The following PDCD2 variants were observed in gnomAD, a reference collection of about 807,000 sequenced individuals.
PDCD2 encodes the protein programmed cell death 2, also known as uS5 assembly chaperone PDCD2.
In PDCD2, 38 loss-of-function variants were observed where a neutral mutation model predicts 38.1. The ratio of observed to expected loss-of-function variants is 1.00; its 90% CI spans 0.77 to 1.31. The LOEUF is 1.31. PDCD2 is among the 50% of genes most tolerant of loss of function. The probability of loss-of-function intolerance (pLI) is 0.00; values close to 1 mark genes in which losing one functional copy is unlikely to be tolerated. For synonymous variants in PDCD2, 205 were observed against 168.9 expected (o/e 1.21, Z -1.66); for missense variants, 473 against 435.7 (o/e 1.09, Z -0.76).
chr6:170,577,835 TTA>T (rs1476632995), intron 5 of PDCD2, 118 bp from the exon 6 acceptor site: 19 of 819,154 alleles, frequency 2.3e-5, no homozygotes, highest in Non-Finnish European at 3.6e-5. Context: ...CAAAGCAGGA[TTA>T]TAGACATTAT....
chr6:170,575,453 A>C lies in PDCD2; in HGVS notation c.*2106T>G, dbSNP rs1441050520. On this transcript the variant is annotated 3_prime_UTR_variant, in exon 6 of 6. Coordinates refer to ENST00000541970, the MANE Select transcript of PDCD2 (RefSeq NM_002598.4). The stretch of plus-strand genomic sequence containing the variant: ...ACAGTATCTGAACCAAGCAGATCTT[A>C]AAACTTTGTAGGTGTTGAGAAATGG... The C allele has an allele frequency of 6.6e-6, 1 of 152,174 alleles. No individual in the cohort carries two copies. Among genetic ancestry groups the C allele is most frequent in the Non-Finnish European group, 1.5e-5 (1 of 68,032 alleles). 9.4% of individuals were successfully genotyped at this position (152,174 alleles called of 1,614,324 possible).
At chr6:170,580,494 C>T (rs1424409640) in intron 3 of PDCD2, among the ~76,000 whole-genome samples, 1 of 152,168 alleles carries the variant, frequency 6.6e-6, no homozygotes, top group Non-Finnish European at 1.5e-5. Flanking sequence ...GCGGGCAGAT[C>T]ACCTGAGGTC....
rs1305779691 is a variant in PDCD2, at chr6:170,583,706, A to G, written c.325T>C (p.Tyr109His). The G allele has an allele frequency of 3.1e-6, 5 of 1,613,288 alleles. No homozygotes were observed. The highest frequency in any genetic ancestry group is 3.4e-6 in the Non-Finnish European group (4 of 1,179,416). Residue 109 changes from tyrosine (Y) to histidine (H), a missense_variant, in exon 2 of 6, where the codon TAT becomes CAT. Coordinates refer to ENST00000541970, the MANE Select transcript of PDCD2 (RefSeq NM_002598.4). ...GGAGGATTCTCAGAAGGTGGCTCAT[A>G]TGAGTAAAAATCGTTTTTCCTGGGT... is the stretch of plus-strand genomic sequence containing the variant. ...QLPRKNDFYS[Y>H]EPPSENPPPE...
chr6:170,582,425 AAATTT>A (rs1779639184), intron 3 of PDCD2: 11 of 1,453,012 alleles, frequency 7.6e-6, no homozygotes, highest in Non-Finnish European at 9.0e-6. Flanking sequence ...TCAAATTGTA[AAATTT>A]AATATTATGT....
Position 170,583,439 on chromosome 6 carries a change from C to A in PDCD2, c.526+66G>T, listed in dbSNP as rs1007306813. On this transcript the variant is annotated intron_variant, in intron 2 of 5. Transcript: ENST00000541970. ...TTCCTAATTTTACCTTTAAAGTTGT[C>A]CTGGAAATATCTGGGTTGACAAAGG... 3.3e-6 allele frequency: 5 copies of A among 1,525,868 alleles called. No homozygotes were observed. The African/African-American group carries it at 7.0e-5, about 21-fold the overall frequency. The allele number at this position is 1,525,868 out of a possible 1,614,324, so 94.5% of individuals were successfully genotyped here.
Position 170,583,176 on chromosome 6 carries a change from T to TG in PDCD2, c.538dup (p.His180ProfsTer14). The TG allele has an allele frequency of 6.3e-7, 1 of 1,599,836 alleles. No individual in the cohort carries two copies. The highest frequency in any genetic ancestry group is 8.5e-7 in the Non-Finnish European group (1 of 1,172,084). Reference sequence around the variant, plus strand: ...AAGGAAGTTGTGGTCTGGAATTATATGGTCCAGATGATCTGAAACAAAAAG... The same window carrying TG: ...AAGGAAGTTGTGGTCTGGAATTATATGGGTCCAGATGATCTGAAACAAAAAG... On this transcript the variant is annotated frameshift_variant, in exon 3 of 6. Coordinates refer to ENST00000541970, the MANE Select transcript of PDCD2 (RefSeq NM_002598.4). LOFTEE classifies it high-confidence loss of function.
At chr6:170,578,633 C>A (rs1779510883) in intron 5 of PDCD2, 2 of 702,224 alleles carry the variant, frequency 2.8e-6, no homozygotes, top group African/African-American at 1.8e-5. Flanking sequence ...TCACAGAAGT[C>A]AGTCAATAGA....
intron 3 of PDCD2, among the ~76,000 whole-genome samples, 195 bp from the exon 4 acceptor site, chr6:170,580,300 G>A (rs1479972522): frequency 6.6e-6 from 1 of 152,140 alleles, no homozygotes; most frequent in Non-Finnish European, 1.5e-5. Flanking sequence ...TCTCCTTAAA[G>A]CTTCAAAATA....
At position 170,584,619 on chromosome 6, in the gene PDCD2, G is replaced by A; in HGVS notation, c.-38C>T. 8.5e-7 allele frequency: 1 copy of A among 1,177,628 alleles called. No homozygotes were observed. The highest frequency in any genetic ancestry group is 1.1e-6 in the Non-Finnish European group (1 of 932,212). 72.9% of individuals were successfully genotyped at this position (1,177,628 alleles called of 1,614,324 possible). A position where few individuals can be genotyped will look rare whatever the true frequency, so the allele number is the denominator to read the frequency against. ...CTGGCGTGGGGCGCAGCCCACAGCT[G>A]GGTCGGAAGGCGGAAATCGGGCGCC... On this transcript the variant is annotated 5_prime_UTR_variant, in exon 1 of 6. Transcript: ENST00000541970.
rs756772582 is a variant in PDCD2, at chr6:170,584,362, C to T, written c.220G>A (p.Ala74Thr). The stretch of plus-strand genomic sequence containing the variant: ...AAGAGGAAGATGCAGCGGTGGAAGG[C>T]GTCCGGGCGGCCAGGCAGCGGCGCA... ...VYAPLPGRPD[A>T]FHRCIFLFCC... Residue 74 changes from alanine to threonine, a missense_variant, in exon 1 of 6, where the codon GCC becomes ACC. Physicochemically the swap from Ala to Thr is moderately conservative, Grantham distance 58 (BLOSUM62 0). Coordinates refer to ENST00000541970, the MANE Select transcript of PDCD2 (RefSeq NM_002598.4). 8.7e-6 allele frequency: 13 copies of T among 1,494,618 alleles called. No individual in the cohort carries two copies. Among genetic ancestry groups the T allele is most frequent in the South Asian group, 6.4e-5 (5 of 77,868 alleles). The allele number at this position is 1,494,618 out of a possible 1,614,324, so 92.6% of individuals were successfully genotyped here.
chr6:170,579,787 T>C (rs1779544053), intron 4 of PDCD2: 1 of 442,478 alleles, frequency 2.3e-6, no homozygotes, highest in East Asian at 3.5e-5. Flanking sequence ...GTATAACCTT[T>C]AGTCTTTTAG....
intron 5 of PDCD2, among the ~76,000 whole-genome samples, chr6:170,577,923 A>C (rs1779488821): frequency 6.6e-6 from 1 of 152,186 alleles, no homozygotes; most frequent in Admixed American, 6.5e-5. Context: ...GGTCTTTTCC[A>C]TTTGAGAAAG....
At chr6:170,578,355 C>T in intron 5 of PDCD2, 1 of 443,244 alleles carries the variant, frequency 2.3e-6, no homozygotes, top group Non-Finnish European at 4.0e-6. Flanking sequence ...AGCATTTCCA[C>T]CCTACCCAAA....
chr6:170,583,811 T>A, intron 1 of PDCD2, 64 bp from the exon 2 acceptor site: 2 of 1,255,622 alleles, frequency 1.6e-6, no homozygotes, highest in Non-Finnish European at 2.2e-6. Context: ...TATTTTATCC[T>A]CTGCACGTAA....
rs140765246 is a variant in PDCD2 at position 170,577,390 on chromosome 6, CCT to C, written c.*167_*168del. 2.9e-3 allele frequency: 1,732 copies of C among 589,306 alleles called. 23 individuals are homozygous for C. In the African/African-American group the frequency reaches 0.03, roughly 10 times the overall value. 36.5% of individuals were successfully genotyped at this position (589,306 alleles called of 1,614,324 possible). The stretch of plus-strand genomic sequence containing the variant: ...GGATGTACCAAAATTTATTTAATTC[CCT>C]GTCACTGGACACTTTTGTTTCACTA... On this transcript the variant is annotated 3_prime_UTR_variant, in exon 6 of 6. Coordinates refer to ENST00000541970, the MANE Select transcript of PDCD2 (RefSeq NM_002598.4).
rs1779747473 is a variant in PDCD2 at position 170,584,459 on chromosome 6, G to T, written c.123C>A (p.Ala41=). ...VGGRPAWLGA[A]GLPGPQALAC... ...CCAGGGCCTGGGGCCCCGGCAGCCC[G>T]GCCGCGCCCAGCCATGCCGGCCGCC... The change falls in exon 1 of 6, where the codon GCC becomes GCA. Residue 41 remains alanine (A), a synonymous_variant. Transcript: ENST00000541970. The T allele has an allele frequency of 1.5e-6, 2 of 1,309,790 alleles. No homozygotes were observed. Among genetic ancestry groups the T allele is most frequent in the Non-Finnish European group, 9.6e-7 (1 of 1,036,708 alleles). The allele number at this position is 1,309,790 out of a possible 1,614,324, so 81.1% of individuals were successfully genotyped here.
At chr6:170,580,239 A>G in intron 3 of PDCD2, 134 bp from the exon 4 acceptor site, 1 of 617,260 alleles carries the variant, frequency 1.6e-6, no homozygotes, top group East Asian at 2.8e-5. Context: ...GGACCATCTG[A>G]ATTTCCAGGT....
chr6:170,580,138 G>T lies in PDCD2; in HGVS notation c.659-33C>A, dbSNP rs375961362. 111 of 1,291,026 alleles carry T rather than the reference G, an allele frequency of 8.6e-5. No homozygotes were observed. In the African/African-American group the frequency reaches 1.4e-3, roughly 16 times the overall value. The allele number at this position is 1,291,026 out of a possible 1,614,324, so 80.0% of individuals were successfully genotyped here. On this transcript the variant is annotated intron_variant, in intron 3 of 5. Coordinates refer to ENST00000541970, the MANE Select transcript of PDCD2 (RefSeq NM_002598.4). ...ATCAACGTAACTATTATGAAAAACA[G>T]GAGTAATCCCCACAACTTGACAATT...
At chr6:170,582,628 T>G (rs1779646744) in intron 3 of PDCD2, 2 of 1,257,654 alleles carry the variant, frequency 1.6e-6, no homozygotes, top group East Asian at 8.6e-5. Flanking sequence ...TCAGCACAAG[T>G]ACTACCCAAG....
Sources: gnomAD v4.1 joint callset for allele counts (sites outside exome capture counted in the v4.1 genomes callset) on GRCh38, gnomAD v4.1.1 for gene constraint, MANE v1.5 for transcripts, NCBI Gene and HGNC (gene_info 2026-07-23, HGNC 2026-07-21) for gene names.